PARD3B: variants seen among roughly 807,000 people sequenced by gnomAD.
The protein encoded by PARD3B is partitioning defective 3 homolog B.
A neutral mutation model predicts 130.2 loss-of-function variants in PARD3B; 103 were observed. The observed-to-expected ratio is 0.79, with a 90% CI of 0.67 to 0.93. The LOEUF (loss-of-function observed/expected upper bound fraction) is 0.93. Among genes scored for constraint, PARD3B ranks in the 40% least tolerant of loss-of-function variants. PARD3B has a pLI of 0.00. For missense variants in PARD3B, 1,609 were observed against 1,499.2 expected (o/e 1.07, Z -1.21); for synonymous variants, 583 against 553.2 (o/e 1.05, Z -0.76).
chr2:205,253,211 T>A lies in PARD3B; in HGVS notation c.2185+7389T>A. The A allele has an allele frequency of 2.4e-6, 1 of 408,780 alleles. No individual in the cohort carries two copies. Among genetic ancestry groups the A allele is most frequent in the Non-Finnish European group, 4.9e-6 (1 of 203,550 alleles). 25.3% of individuals were successfully genotyped at this position (408,780 alleles called of 1,614,324 possible). A position where few individuals can be genotyped will look rare whatever the true frequency, so the allele number is the denominator to read the frequency against. On this transcript the variant is annotated intron_variant, in intron 16 of 22. Transcript: ENST00000406610. The surrounding 1 kb of genome is among the most constrained non-coding windows in gnomAD (Gnocchi z 4.4). ...TTTTCTGCAGGTGTTGACCAGCAAT[T>A]TCCTGCGGCATTTACTTCTTGATAA...
rs2041960833 is a variant in PARD3B at position 205,300,639 on chromosome 2, C to A, written c.2295C>A (p.His765Gln). Residue 765 changes from histidine (H) to glutamine (Q), a missense_variant, in exon 17 of 23, where the codon CAC (histidine) becomes CAA (glutamine). Physicochemically the swap from His to Gln is conservative, Grantham distance 24 (BLOSUM62 0). Transcript: ENST00000406610. This position sits in a 1 kb window ranked among gnomAD's most constrained non-coding sequence, Gnocchi z 4.1. The part of the protein sequence containing the change: ...AEVRKNDLPF[H>Q]RPRPHMVRGR... ...TCAGGAAGAATGACCTTCCCTTTCACAGGCCCCGGCCGCACATGGTTCGAG... is the reference window on the plus strand; with the variant it reads ...TCAGGAAGAATGACCTTCCCTTTCAAAGGCCCCGGCCGCACATGGTTCGAG... 6.2e-7 allele frequency: 1 copy of A among 1,613,818 alleles called. No homozygotes were observed. The highest frequency in any genetic ancestry group is 8.5e-7 in the Non-Finnish European group (1 of 1,180,014).
At chr2:205,298,665 A>G (rs144559430) in intron 16 of PARD3B, among the ~76,000 whole-genome samples, 2,331 of 152,298 alleles carry the variant, frequency 0.015, 57 homozygotes, top group African/African-American at 0.053. Flanking sequence ...GTCTCCTATA[A>G]GTTAATGATG....
chr2:205,282,187 C>T (rs1022201819), intron 16 of PARD3B, among the ~76,000 whole-genome samples: 1 of 152,074 alleles, frequency 6.6e-6, no homozygotes, highest in Non-Finnish European at 1.5e-5. Context: ...AAGAGAGATA[C>T]TGAATGAAGA....
chr2:205,120,841 A>G (rs1049880838), intron 7 of PARD3B, among the ~76,000 whole-genome samples: 65 of 152,242 alleles, frequency 4.3e-4, no homozygotes, highest in Non-Finnish European at 1.2e-4. Context: ...GCCTTCATTT[A>G]TATCTTCTGG....
Position 205,619,115 on chromosome 2 carries a change from A to G in PARD3B, c.*3302A>G, listed in dbSNP as rs367870749. On this transcript the variant is annotated 3_prime_UTR_variant, in exon 23 of 23. Transcript: ENST00000406610. ...GCTATAGTTTTCCACCAAGTCAATCAAATTAAAACATGACTCATTGTCCCC... is the reference window on the plus strand; with the variant it reads ...GCTATAGTTTTCCACCAAGTCAATCGAATTAAAACATGACTCATTGTCCCC... 7.2e-5 allele frequency: 11 copies of G among 152,272 alleles called. No homozygotes were observed. The South Asian group carries it at 8.3e-4, about 12-fold the overall frequency. 9.4% of individuals were successfully genotyped at this position (152,272 alleles called of 1,614,324 possible). A position where few individuals can be genotyped will look rare whatever the true frequency, so the allele number is the denominator to read the frequency against.
intron 2 of PARD3B, among the ~76,000 whole-genome samples, chr2:204,774,195 A>G (rs1480640193): frequency 6.6e-6 from 1 of 151,752 alleles, no homozygotes; most frequent in Admixed American, 6.6e-5. Flanking sequence ...CTTCTTCTGT[A>G]TCTATTATGC....
intron 1 of PARD3B, among the ~76,000 whole-genome samples, chr2:204,596,962 C>A (rs2166732): frequency 0.69 from 100,825 of 145,858 alleles, 35,067 homozygotes; most frequent in East Asian, 0.84. Context: ...CTCTCTCTCT[C>A]TATATATATA....
rs1221641715 is a variant in PARD3B at position 205,018,291 on chromosome 2, C to T, written c.395-29290C>T. Among the ~76,000 whole-genome samples the T allele has an allele frequency of 1.3e-5, 2 of 152,186 alleles. 1 individual carries two copies. Among genetic ancestry groups the T allele is most frequent in the South Asian group, 4.1e-4 (2 of 4,822 alleles). ...GGTGTAATAAACAGATATGATATAT[C>T]TGTATAATTTTATTGTATCTACTTA... is the stretch of plus-strand genomic sequence containing the variant. On this transcript the variant is annotated intron_variant, in intron 3 of 22. Transcript: ENST00000406610.
At chr2:204,597,146 C>T (rs1464622943) in intron 1 of PARD3B, among the ~76,000 whole-genome samples, 3 of 151,942 alleles carry the variant, frequency 2.0e-5, no homozygotes, top group Non-Finnish European at 4.4e-5. Flanking sequence ...TTGATTTTTG[C>T]GGTGCCCATG....
At chr2:204,949,085 A>G (rs911507413) in intron 2 of PARD3B, among the ~76,000 whole-genome samples, 2 of 152,174 alleles carry the variant, frequency 1.3e-5, no homozygotes, top group African/African-American at 4.8e-5. Flanking sequence ...TGTTTTTATG[A>G]GATAAAACTA....
chr2:204,653,347 A>G (rs1004094116), intron 1 of PARD3B, among the ~76,000 whole-genome samples: 1 of 151,178 alleles, frequency 6.6e-6, no homozygotes, highest in African/African-American at 2.5e-5. Context: ...TCTGTTAGAT[A>G]TACTTTTAAA....
intron 1 of PARD3B, among the ~76,000 whole-genome samples, chr2:204,624,188 A>G (rs1487975839): frequency 6.6e-6 from 1 of 152,184 alleles, no homozygotes; most frequent in Non-Finnish European, 1.5e-5. Context: ...CTGGTTTAAA[A>G]AGTTGTCAAA....
Position 205,158,818 on chromosome 2 carries a change from G to T in PARD3B, c.1531G>T (p.Val511Leu), listed in dbSNP as rs1295829678. The change falls in exon 11 of 23, where the codon GTG (valine) becomes TTG (leucine). Residue 511 changes from valine (V) to leucine (L), a missense_variant. Physicochemically the swap from Val to Leu is conservative, Grantham distance 32. Coordinates refer to ENST00000406610, the MANE Select transcript of PARD3B (RefSeq NM_001302769.2). This position sits in a 1 kb window ranked among gnomAD's most constrained non-coding sequence, Gnocchi z 5.4. ...TGATTCAGGTTCTGCTGGCCTCGGG[G>T]TGAGCTTAAAAGGGAACAAATCCAG... ...LNDSGSAGLGVSLKGNKSRET... is the reference protein window; with the variant it reads ...LNDSGSAGLGLSLKGNKSRET... 4 of 1,614,186 alleles carry T rather than the reference G, an allele frequency of 2.5e-6. No homozygotes were observed. Among genetic ancestry groups the T allele is most frequent in the Non-Finnish European group, 3.4e-6 (4 of 1,180,030 alleles).
intron 2 of PARD3B, among the ~76,000 whole-genome samples, chr2:204,891,496 G>T (rs2125689562): frequency 6.6e-6 from 1 of 152,284 alleles, no homozygotes; most frequent in South Asian, 2.1e-4. Context: ...AGTGGGTCTT[G>T]CATAGTGTAT....
chr2:204,920,278 C>T (rs1201734208), intron 2 of PARD3B, among the ~76,000 whole-genome samples: 1 of 152,122 alleles, frequency 6.6e-6, no homozygotes, highest in Non-Finnish European at 1.5e-5. Context: ...GTGGCAGTCA[C>T]TTTTTGTAGA....
intron 20 of PARD3B, among the ~76,000 whole-genome samples, chr2:205,442,816 T>C (rs1177691924): frequency 1.3e-5 from 2 of 152,168 alleles, no homozygotes; most frequent in Admixed American, 1.3e-4. Flanking sequence ...ATGATAATCT[T>C]AACTGCAGCC....
At chr2:205,049,286 A>G (rs1280977743) in intron 4 of PARD3B, among the ~76,000 whole-genome samples, 1 of 152,178 alleles carries the variant, frequency 6.6e-6, no homozygotes, top group Non-Finnish European at 1.5e-5. Context: ...ACTTAAAATC[A>G]TGGTGGAAGG....
chr2:204,660,592 A>G (rs536293997), intron 1 of PARD3B, among the ~76,000 whole-genome samples: 1 of 152,314 alleles, frequency 6.6e-6, no homozygotes, highest in South Asian at 2.1e-4. Context: ...GGACCAGGCC[A>G]ACATCTAGTT....
At chr2:205,335,087 G>A (rs151108374) in intron 18 of PARD3B, among the ~76,000 whole-genome samples, 37 of 152,226 alleles carry the variant, frequency 2.4e-4, no homozygotes, top group Admixed American at 1.1e-3. Flanking sequence ...CCTCCCTTCC[G>A]TTCATCCTTT....
Sources: allele counts gnomAD v4.1 joint callset (sites outside exome capture counted in the v4.1 genomes callset), GRCh38; gene constraint gnomAD v4.1.1; non-coding constraint Gnocchi (gnomAD v3.1); transcripts MANE v1.5; gene names NCBI Gene and HGNC (gene_info 2026-07-23, HGNC 2026-07-21).